FAM228A: variants seen among roughly 807,000 people sequenced by gnomAD.
FAM228A encodes the protein family with sequence similarity 228 member A.
FAM228A carries 13 observed loss-of-function variants against 18.6 expected under a neutral mutation model. That is an observed-to-expected ratio of 0.70 (90% CI 0.45 to 1.11). The LOEUF is 1.11. Among genes scored for constraint, FAM228A ranks in the 50% least tolerant of loss-of-function variants. The probability of loss-of-function intolerance (pLI) is 0.00; values close to 1 mark genes in which losing one functional copy is unlikely to be tolerated. For synonymous variants in FAM228A, 77 were observed against 86.6 expected, an observed-to-expected ratio of 0.89 and a Z score of 0.61; for missense variants, 240 against 242.2, an observed-to-expected ratio of 0.99 and a Z score of 0.06.
chr2:24,177,477 A>G (rs1204059101), intron 2 of FAM228A, among the ~76,000 whole-genome samples: 1 of 152,172 alleles, frequency 6.6e-6, no homozygotes, highest in Non-Finnish European at 1.5e-5. Context: ...GAATGCCTGA[A>G]AAGAGGATTC....
Position 24,183,511 on chromosome 2 carries a change from A to G in FAM228A, c.267A>G (p.Ile89Met). 6.2e-7 allele frequency: 1 copy of G among 1,611,746 alleles called. No individual in the cohort carries two copies. The highest frequency in any genetic ancestry group is 8.5e-7 in the Non-Finnish European group (1 of 1,179,222). ...LQCETGKRHS[I>M]KELEEIEKAR... ...TTCCTGTAGGAAAACGACATTCCAT[A>G]AAAGAACTTGAAGAAATAGAGAAGG... is the stretch of plus-strand genomic sequence containing the variant. Residue 89 changes from isoleucine (I) to methionine (M), a missense_variant, in exon 5 of 6, where the codon ATA (isoleucine) becomes ATG (methionine). Physicochemically the swap from Ile to Met is conservative, Grantham distance 10 (BLOSUM62 1). Transcript: ENST00000295150.
chr2:24,187,848 CT>C (rs1667986110), intron 5 of FAM228A, among the ~76,000 whole-genome samples: 1 of 152,178 alleles, frequency 6.6e-6, no homozygotes, highest in South Asian at 2.1e-4. Context: ...GGTAATCTGT[CT>C]TTTCCCCTGG....
intron 2 of FAM228A, chr2:24,176,106 G>C (rs1459902004): frequency 3.0e-6 from 3 of 985,350 alleles, no homozygotes; most frequent in Non-Finnish European, 2.4e-6. Context: ...TCACAAAGAA[G>C]AGCCATCAAA....
chr2:24,188,394 C>T (rs1668003958), intron 5 of FAM228A: 3 of 982,190 alleles, frequency 3.1e-6, no homozygotes, highest in African/African-American at 3.5e-5. Context: ...AATGCTCTCC[C>T]TTCCCCCTCC....
At position 24,191,261 on chromosome 2, in the gene FAM228A, C is replaced by T. The variant is rs1420611540; in HGVS notation, c.*630C>T. ...AGGCCTAGGGGGCTTGGTGGGCCAC[C>T]GCTCAGCTCAGGACCTGACAGCGTC... On this transcript the variant is annotated 3_prime_UTR_variant, in exon 6 of 6. Transcript: ENST00000295150. The T allele has an allele frequency of 2.2e-5, 22 of 985,492 alleles. No homozygotes were observed. The highest frequency in any genetic ancestry group is 4.7e-5 in the South Asian group (1 of 21,290). The allele number at this position is 985,492 out of a possible 1,614,324, so 61.0% of individuals were successfully genotyped here.
chr2:24,189,313 A>G (rs565104973), intron 5 of FAM228A, among the ~76,000 whole-genome samples: 1 of 152,354 alleles, frequency 6.6e-6, no homozygotes, highest in African/African-American at 2.4e-5. Context: ...TCATCACAGA[A>G]GTCCCATCAA....
chr2:24,188,730 C>G (rs138064224), intron 5 of FAM228A: 11,113 of 843,324 alleles, frequency 0.013, 94 homozygotes, highest in Non-Finnish European at 0.014. Context: ...GCTCTCGCCT[C>G]TCTGGAATTC....
intron 3 of FAM228A, among the ~76,000 whole-genome samples, chr2:24,178,781 TGGGTGACCA>T (rs1193257895): frequency 6.6e-6 from 1 of 152,100 alleles, no homozygotes; most frequent in African/African-American, 2.4e-5. Flanking sequence ...AGACACAGAG[TGGGTGACCA>T]GGGAATGCTT....
At position 24,177,843 on chromosome 2, in the gene FAM228A, A is replaced by G. The variant is rs1057399523; in HGVS notation, c.135A>G (p.Ile45Met). The part of the protein sequence containing the change: ...REDIDEAVCA[I>M]LFKENSIVKV... ...ACATTGATGAAGCAGTATGTGCAAT[A>G]TTATTTAAAGAAAATTCCATTGTGA... Residue 45 changes from isoleucine (I) to methionine (M), a missense_variant, in exon 3 of 6, where the codon ATA (isoleucine) becomes ATG (methionine). By Grantham distance (10) the Ile-to-Met change is conservative. Coordinates refer to ENST00000295150, the MANE Select transcript of FAM228A (RefSeq NM_001040710.3). 1.2e-6 allele frequency: 2 copies of G among 1,603,266 alleles called. No homozygotes were observed. The highest frequency in any genetic ancestry group is 1.7e-6 in the Non-Finnish European group (2 of 1,171,732).
chr2:24,183,699 T>G (rs1390501213), intron 5 of FAM228A, 54 bp downstream of exon 5: 5 of 1,474,692 alleles, frequency 3.4e-6, no homozygotes, highest in Non-Finnish European at 4.6e-6. Context: ...TTACTTTATT[T>G]CCTACTGAAG....
chr2:24,177,882 C>T lies in FAM228A; in HGVS notation c.162+12C>T, dbSNP rs1435134832. On this transcript the variant is annotated intron_variant, in intron 3 of 5. Transcript: ENST00000295150. Reference sequence around the variant, plus strand: ...ATTCCATTGTGAAGGTAAGAGTTGGCTCCACGCTGCATTCTACATATGTTC... The same window carrying T: ...ATTCCATTGTGAAGGTAAGAGTTGGTTCCACGCTGCATTCTACATATGTTC... The T allele has an allele frequency of 6.4e-7, 1 of 1,570,864 alleles. No homozygotes were observed. The highest frequency in any genetic ancestry group is 2.3e-5 in the East Asian group (1 of 44,400).
chr2:24,177,187 C>T (rs1667712276), intron 2 of FAM228A, among the ~76,000 whole-genome samples: 1 of 152,182 alleles, frequency 6.6e-6, no homozygotes, highest in Non-Finnish European at 1.5e-5. Context: ...CGCCTATAAT[C>T]TCAGCACTTT....
chr2:24,185,012 G>A (rs967225363), intron 5 of FAM228A, among the ~76,000 whole-genome samples: 2 of 151,992 alleles, frequency 1.3e-5, no homozygotes, highest in Admixed American at 6.6e-5. Context: ...TAGTAGAGAT[G>A]GCGTTTCACC....
At chr2:24,186,156 C>A (rs1191630921) in intron 5 of FAM228A, among the ~76,000 whole-genome samples, 1 of 152,000 alleles carries the variant, frequency 6.6e-6, no homozygotes, top group Non-Finnish European at 1.5e-5. Flanking sequence ...TGCACCACCA[C>A]ACCCGGCTAA....
intron 2 of FAM228A, 49 bp downstream of exon 2, chr2:24,175,622 C>G (rs1038267405): frequency 8.1e-6 from 11 of 1,360,796 alleles, no homozygotes; most frequent in Non-Finnish European, 1.2e-5. Context: ...GGGGACCCCT[C>G]GAGTTTGGGA....
intron 3 of FAM228A, 120 bp downstream of exon 3, chr2:24,177,990 A>C (rs1667730832): frequency 1.6e-6 from 1 of 623,486 alleles, no homozygotes. Context: ...AGGAGTAATG[A>C]GGATCCTCTA....
chr2:24,183,637 C>G lies in FAM228A; in HGVS notation c.393C>G (p.Tyr131Ter), dbSNP rs1392215900. Residue 131 changes from tyrosine (Y) to a stop codon, truncating the protein, a stop_gained, in exon 5 of 6, where the codon TAC (tyrosine) becomes TAG (stop). Coordinates refer to ENST00000295150, the MANE Select transcript of FAM228A (RefSeq NM_001040710.3). LOFTEE classifies it low-confidence loss of function (END_TRUNC). ...CTGCAAGAGCCAGGAGTAAAACTTA[C>G]AAATACAGGTACAGATGAGCAGAAC... ...KASARARSKT[Y>*]KYSPEKLIYA... 1 of 1,600,972 alleles carries G rather than the reference C, an allele frequency of 6.2e-7. No individual in the cohort carries two copies. Among genetic ancestry groups the G allele is most frequent in the Admixed American group, 1.8e-5 (1 of 56,902 alleles).
chr2:24,185,585 C>T (rs1194302665), intron 5 of FAM228A, among the ~76,000 whole-genome samples: 1 of 152,174 alleles, frequency 6.6e-6, no homozygotes. Context: ...TTTGAGTCCT[C>T]TAATCCATGA....
chr2:24,183,672 T>G (rs769854959), intron 5 of FAM228A, 27 bp downstream of exon 5: 52 of 1,548,888 alleles, frequency 3.4e-5, no homozygotes, highest in Non-Finnish European at 1.0e-5. Flanking sequence ...CAAACAAATA[T>G]TTGTTTAACT....
Sources: allele counts gnomAD v4.1 joint callset (sites outside exome capture counted in the v4.1 genomes callset), GRCh38; gene constraint gnomAD v4.1.1; transcripts MANE v1.5; gene names NCBI Gene and HGNC (gene_info 2026-07-23, HGNC 2026-07-21).